PPP1R9A: variants seen among roughly 807,000 people sequenced by gnomAD.
The protein encoded by PPP1R9A is protein phosphatase 1 regulatory subunit 9A.
PPP1R9A carries 59 observed loss-of-function variants against 141.9 expected under a neutral mutation model. The observed-to-expected ratio is 0.42, with a 90% CI of 0.34 to 0.52. The LOEUF is 0.52. Among genes scored for constraint, PPP1R9A ranks in the 20% least tolerant of loss-of-function variants. PPP1R9A has a pLI of 0.10. For missense variants in PPP1R9A, 1,444 were observed against 1,611.9 expected (o/e 0.90, Z 1.78); for synonymous variants, 500 against 569.7 (o/e 0.88, Z 1.74).
rs555065488 is a variant in PPP1R9A, at chr7:95,084,596, T to C, written c.1396-26663T>C. On this transcript the variant is annotated intron_variant, in intron 2 of 19. Transcript: ENST00000433360. ...GTTTTGTAGCCCTTCCCAGAAGTAA[T>C]CACTCTTTTGAATTTGGTGCTTTTA... Among the ~76,000 whole-genome samples the C allele has an allele frequency of 3.9e-5, 6 of 152,112 alleles. 1 individual carries two copies. The South Asian group carries it at 8.3e-4, about 21-fold the overall frequency.
Position 94,907,703 on chromosome 7 carries a change from G to A in PPP1R9A, c.-217+1G>A, listed in dbSNP as rs1344552305. 6.7e-6 allele frequency: 1 copy of A among 150,152 alleles called. No individual in the cohort carries two copies. The highest frequency in any genetic ancestry group is 2.0e-4 in the East Asian group (1 of 4,932). The allele number at this position is 150,152 out of a possible 1,614,324, so 9.3% of individuals were successfully genotyped here. On this transcript the variant is annotated splice_donor_variant, in intron 1 of 19. Transcript: ENST00000433360. LOFTEE classifies it low-confidence loss of function (5UTR_SPLICE). The stretch of plus-strand genomic sequence containing the variant: ...CCTAGAGTTAATCCCATCAGCCGAG[G>A]TGAGGCACCTGTTACCCCGGCCTTC...
intron 2 of PPP1R9A, among the ~76,000 whole-genome samples, chr7:95,029,419 TTA>T (rs1807344861): frequency 6.6e-6 from 1 of 152,166 alleles, no homozygotes; most frequent in African/African-American, 2.4e-5. Flanking sequence ...GGAAAAACAA[TTA>T]GAGAAATTGT....
intron 2 of PPP1R9A, among the ~76,000 whole-genome samples, chr7:94,960,604 A>T (rs181307232): frequency 4.5e-4 from 68 of 151,802 alleles, no homozygotes; most frequent in Non-Finnish European, 7.5e-4. Flanking sequence ...ATTTAAATTG[A>T]TTTCATTCTT....
intron 7 of PPP1R9A, among the ~76,000 whole-genome samples, chr7:95,224,756 T>C (rs944692731): frequency 6.6e-6 from 1 of 151,754 alleles, no homozygotes; most frequent in Non-Finnish European, 1.5e-5. Flanking sequence ...AGGAAGAATA[T>C]AATACAGAAT....
At chr7:95,128,482 T>A (rs913980617) in intron 4 of PPP1R9A, among the ~76,000 whole-genome samples, 1 of 152,252 alleles carries the variant, frequency 6.6e-6, no homozygotes, top group Non-Finnish European at 1.5e-5. Flanking sequence ...ACTCTGTTGA[T>A]AATTTATTTT....
At chr7:95,222,995 C>T (rs1378259650) in intron 7 of PPP1R9A, among the ~76,000 whole-genome samples, 1 of 151,948 alleles carries the variant, frequency 6.6e-6, no homozygotes, top group Non-Finnish European at 1.5e-5. Flanking sequence ...GTAAATGTAT[C>T]ATCCTAAAGC....
intron 2 of PPP1R9A, among the ~76,000 whole-genome samples, chr7:94,932,549 T>A (rs116380248): frequency 0.011 from 1,665 of 152,266 alleles, 32 homozygotes; most frequent in African/African-American, 0.038. Flanking sequence ...TTTTTACCTA[T>A]CTTAAAATTG....
At chr7:95,038,488 G>A (rs946575646) in intron 2 of PPP1R9A, among the ~76,000 whole-genome samples, 3 of 152,082 alleles carry the variant, frequency 2.0e-5, no homozygotes, top group African/African-American at 7.2e-5. Flanking sequence ...CATGGCCCTG[G>A]TGGGAGAAGT....
At chr7:95,225,749 G>C (rs151253872) in intron 7 of PPP1R9A, among the ~76,000 whole-genome samples, 1 of 152,218 alleles carries the variant, frequency 6.6e-6, no homozygotes, top group African/African-American at 2.4e-5. Flanking sequence ...TTTTAGAAAC[G>C]CACTTGTATA....
In PPP1R9A at chr7:94,980,894, A is replaced by C. The variant is rs1584090563; in HGVS notation, c.1395+69386A>C. On this transcript the variant is annotated intron_variant, in intron 2 of 19. Coordinates refer to ENST00000433360, the MANE Select transcript of PPP1R9A (RefSeq NM_001166160.2). ...ATATAGAAGAGTCATATATTTGTAT[A>C]ACTAATCTTTGTTGAGTGGCATCTG... Among the ~76,000 whole-genome samples the C allele has an allele frequency of 2.0e-5, 3 of 152,330 alleles. No homozygotes were observed. The East Asian group carries it at 5.8e-4, about 29-fold the overall frequency.
intron 2 of PPP1R9A, among the ~76,000 whole-genome samples, chr7:94,954,834 CGTGTGTGT>C (rs66968535): frequency 0.42 from 61,670 of 146,228 alleles, 12,822 homozygotes; most frequent in South Asian, 0.54. Flanking sequence ...TGTAAATATG[CGTGTGTGT>C]GTGTGTGTGT....
chr7:95,015,742 G>T (rs988923437), intron 2 of PPP1R9A, among the ~76,000 whole-genome samples: 8 of 152,206 alleles, frequency 5.3e-5, no homozygotes, highest in African/African-American at 1.9e-4. Flanking sequence ...GTGAACACCA[G>T]TTAGGATAAG....
At chr7:94,932,949 AAGTC>A (rs1794337886) in intron 2 of PPP1R9A, among the ~76,000 whole-genome samples, 1 of 152,028 alleles carries the variant, frequency 6.6e-6, no homozygotes, top group Admixed American at 6.6e-5. Context: ...ATATGATAAA[AAGTC>A]AGGAATGAAT....
chr7:95,133,513 T>TTATATATA (rs10570222), intron 4 of PPP1R9A, among the ~76,000 whole-genome samples: 9,113 of 132,140 alleles, frequency 0.069, 410 homozygotes, highest in Non-Finnish European at 0.096. Flanking sequence ...TGCAGTCGTA[T>TTATATATA]TATATATATA....
Position 95,275,343 on chromosome 7 carries a change from G to C in PPP1R9A, c.3296+1175G>C, listed in dbSNP as rs561968237. ...GAATTGCTTGAACCCGGGAGGCGGAGGTTTGAGTGAGCCAAGATCGCACCA... is the reference window on the plus strand; with the variant it reads ...GAATTGCTTGAACCCGGGAGGCGGACGTTTGAGTGAGCCAAGATCGCACCA... On this transcript the variant is annotated intron_variant, in intron 16 of 19. Transcript: ENST00000433360. Among the ~76,000 whole-genome samples, 223 of 151,156 alleles carry C rather than the reference G, an allele frequency of 1.5e-3. 1 individual carries two copies. The highest frequency in any genetic ancestry group is 5.1e-3 in the African/African-American group (208 of 41,098).
At chr7:95,115,420 A>G (rs1239898219) in intron 3 of PPP1R9A, among the ~76,000 whole-genome samples, 3 of 152,176 alleles carry the variant, frequency 2.0e-5, no homozygotes, top group African/African-American at 7.2e-5. Context: ...AGATGATTCT[A>G]TTGTACCTTT....
rs2151848053 is a variant in PPP1R9A, at chr7:95,035,080, G to A, written c.1396-76179G>A. ...GCTCAGTGCAGTATTTCAGCATGGG[G>A]ATGGTAATTGATTATGATAATGAGA... is the stretch of plus-strand genomic sequence containing the variant. On this transcript the variant is annotated intron_variant, in intron 2 of 19. Coordinates refer to ENST00000433360, the MANE Select transcript of PPP1R9A (RefSeq NM_001166160.2). Among the ~76,000 whole-genome samples, 3 of 152,244 alleles carry A rather than the reference G, an allele frequency of 2.0e-5. 1 individual carries two copies. Among genetic ancestry groups the A allele is most frequent in the South Asian group, 2.1e-4 (1 of 4,812 alleles).
chr7:94,928,033 C>T (rs1348980892), intron 2 of PPP1R9A, among the ~76,000 whole-genome samples: 1 of 152,178 alleles, frequency 6.6e-6, no homozygotes, highest in Non-Finnish European at 1.5e-5. Flanking sequence ...TTTGATATAG[C>T]AGCTTGCTGT....
intron 2 of PPP1R9A, among the ~76,000 whole-genome samples, chr7:95,033,690 G>GAA (rs1241123600): frequency 2.0e-5 from 3 of 151,986 alleles, no homozygotes; most frequent in Non-Finnish European, 4.4e-5. Flanking sequence ...TGATTTTTGT[G>GAA]TGTGTCAGAG....
Sources: gnomAD v4.1 joint callset for allele counts (sites outside exome capture counted in the v4.1 genomes callset) on GRCh38, gnomAD v4.1.1 for gene constraint, MANE v1.5 for transcripts, NCBI Gene and HGNC (gene_info 2026-07-23, HGNC 2026-07-21) for gene names.